Variants in CPSF4L observed in about 807,000 individuals in gnomAD.
The protein encoded by CPSF4L is cleavage and polyadenylation specific factor 4 like.
In CPSF4L, 18 loss-of-function variants were observed where a neutral mutation model predicts 24.0. The observed-to-expected ratio is 0.75, with a 90% CI of 0.52 to 1.11. The LOEUF (loss-of-function observed/expected upper bound fraction) is 1.11, where lower values mean the gene tolerates loss of function less well. Among genes scored for constraint, CPSF4L ranks in the 50% least tolerant of loss-of-function variants. The pLI is 0.00. For missense variants in CPSF4L, 211 were observed against 221.8 expected (o/e 0.95, Z 0.31); for synonymous variants, 72 against 77.2 (o/e 0.93, Z 0.35).
chr17:73,242,306 AC>A, the CPSF4L span: 5,459 of 1,604,352 alleles, frequency 3.4e-3, 16 homozygotes, highest in Non-Finnish European at 4.3e-3. Context: ...CGGACTTACA[AC>A]CTCCAACTTC....
intron 3 of CPSF4L, among the ~76,000 whole-genome samples, chr17:73,255,836 T>C (rs566730226): frequency 1.3e-5 from 2 of 152,106 alleles, no homozygotes; most frequent in Admixed American, 1.3e-4. Context: ...TGCGTGCACG[T>C]CTCTGCATTC....
At chr17:73,242,127 G>A in the CPSF4L span, 1 of 569,330 alleles carries the variant, frequency 1.8e-6, no homozygotes, top group Admixed American at 3.3e-5. Context: ...AATCTTTAAT[G>A]CACCTGTTTA....
In CPSF4L at chr17:73,253,963, C is replaced by T; in HGVS notation, c.371G>A (p.Cys124Tyr). The T allele has an allele frequency of 1.3e-6, 2 of 1,551,686 alleles. No individual in the cohort carries two copies. The highest frequency in any genetic ancestry group is 1.7e-4 in the Middle Eastern group (1 of 5,990). The change falls in exon 4 of 6, where the codon TGT becomes TAT. Residue 124 changes from cysteine (C) to tyrosine (Y), a missense_variant. Cys to Tyr is a radical substitution (Grantham distance 194). Coordinates refer to ENST00000344935, the MANE Select transcript of CPSF4L (RefSeq NM_001129885.1). ...HVKPAFKSQD[C>Y]PWYDQGFCKD... ...GCAGAAACCTTGGTCATACCAAGGACAGTCCTGGGACTTGAAAGCTGGCTT... is the reference window on the plus strand; with the variant it reads ...GCAGAAACCTTGGTCATACCAAGGATAGTCCTGGGACTTGAAAGCTGGCTT...
chr17:73,258,308 C>A (rs910266375), intron 2 of CPSF4L, among the ~76,000 whole-genome samples: 1 of 151,784 alleles, frequency 6.6e-6, no homozygotes, highest in Admixed American at 6.6e-5. Context: ...CCGCGCCCAG[C>A]CAAGCTCTTG....
the CPSF4L span, chr17:73,243,090 T>TTTTTTTG: frequency 3.1e-6 from 3 of 979,668 alleles, no homozygotes; most frequent in African/African-American, 3.4e-5. Context: ...TTTTTTTTTT[T>TTTTTTTG]TTTTTTTTTT....
chr17:73,257,019 G>A (rs1001327995), intron 3 of CPSF4L, among the ~76,000 whole-genome samples: 7 of 152,016 alleles, frequency 4.6e-5, no homozygotes, highest in South Asian at 4.2e-4. Flanking sequence ...AGAGCAAGAC[G>A]CTGTCTCAAA....
chr17:73,251,292 G>A (rs543068036), intron 5 of CPSF4L, among the ~76,000 whole-genome samples: 1 of 152,260 alleles, frequency 6.6e-6, no homozygotes, highest in East Asian at 1.9e-4. Flanking sequence ...TTGTAAATGG[G>A]CTTGTAAATT....
chr17:73,255,215 C>T (rs891019619), intron 3 of CPSF4L, among the ~76,000 whole-genome samples: 1 of 152,152 alleles, frequency 6.6e-6, no homozygotes, highest in Non-Finnish European at 1.5e-5. Flanking sequence ...GAAAGTACCC[C>T]TAGGCCAGGC....
chr17:73,259,357 A>T (rs796431519), intron 2 of CPSF4L, among the ~76,000 whole-genome samples: 23 of 138,776 alleles, frequency 1.7e-4, no homozygotes, highest in Non-Finnish European at 2.4e-4. Context: ...CCTTTTTTAA[A>T]AAAAAAAAAT....
At chr17:73,249,476 ACCC>A (rs1035694367) in intron 5 of CPSF4L, among the ~76,000 whole-genome samples, 1 of 151,182 alleles carries the variant, frequency 6.6e-6, no homozygotes, top group African/African-American at 2.4e-5. Context: ...CTGGCATTCA[ACCC>A]CCCAAAACCC....
intron 2 of CPSF4L, 101 bp downstream of exon 2, chr17:73,260,832 T>C: frequency 1.2e-6 from 1 of 852,524 alleles, no homozygotes; most frequent in East Asian, 2.8e-5. Context: ...CAGGTGCAAA[T>C]TCGACACCCT....
intron 3 of CPSF4L, among the ~76,000 whole-genome samples, chr17:73,256,003 C>T: frequency 6.6e-6 from 1 of 152,182 alleles, no homozygotes; most frequent in East Asian, 1.9e-4. Flanking sequence ...TTAGAGTGAT[C>T]ATCACTTTGA....
Position 73,254,037 on chromosome 17 carries a change from C to A in CPSF4L, c.308-11G>T, listed in dbSNP as rs763036295. ...TGTTGCTGCAGTCACCTGAAAATCC[C>A]AGCACTCTCTGTAGAAGCAGTTTCT... On this transcript the variant is annotated splice_polypyrimidine_tract_variant and intron_variant, in intron 3 of 5. Coordinates refer to ENST00000344935, the MANE Select transcript of CPSF4L (RefSeq NM_001129885.1). 6.5e-7 allele frequency: 1 copy of A among 1,547,552 alleles called. No homozygotes were observed. Among genetic ancestry groups the A allele is most frequent in the South Asian group, 1.2e-5 (1 of 83,966 alleles).
At chr17:73,255,619 G>A (rs1288821653) in intron 3 of CPSF4L, among the ~76,000 whole-genome samples, 3 of 152,038 alleles carry the variant, frequency 2.0e-5, no homozygotes, top group Non-Finnish European at 4.4e-5. Context: ...GGCTCAGAGA[G>A]GGGAAAAGGC....
upstream of CPSF4L, among the ~76,000 whole-genome samples, chr17:73,263,691 C>T (rs1266921063): frequency 6.7e-6 from 1 of 149,118 alleles, no homozygotes; most frequent in Non-Finnish European, 1.5e-5. Flanking sequence ...GGGAAGTGAT[C>T]GTGAAGGCAG....
intron 2 of CPSF4L, among the ~76,000 whole-genome samples, chr17:73,258,819 G>A (rs745527645): frequency 1.3e-5 from 2 of 152,168 alleles, no homozygotes; most frequent in Non-Finnish European, 2.9e-5. Context: ...CCAGCCCCTG[G>A]CACATAGTAA....
intron 1 of CPSF4L, among the ~76,000 whole-genome samples, chr17:73,261,194 G>A (rs920144895): frequency 6.6e-6 from 1 of 152,212 alleles, no homozygotes; most frequent in Non-Finnish European, 1.5e-5. Flanking sequence ...GGAGCTCGAG[G>A]GGCTCAAGCC....
chr17:73,256,843 G>A (rs1034177834), intron 3 of CPSF4L, among the ~76,000 whole-genome samples: 3 of 152,024 alleles, frequency 2.0e-5, no homozygotes, highest in Non-Finnish European at 2.9e-5. Flanking sequence ...CCTGGCCAAC[G>A]TGGCAAAACC....
At chr17:73,251,018 G>A in intron 5 of CPSF4L, 3 of 1,549,680 alleles carry the variant, frequency 1.9e-6, no homozygotes, top group Non-Finnish European at 2.6e-6. Context: ...CCAGGCAGGA[G>A]AGCAGGCACT....
Sources: gnomAD v4.1 joint callset for allele counts (sites outside exome capture counted in the v4.1 genomes callset) on GRCh38, gnomAD v4.1.1 for gene constraint, MANE v1.5 for transcripts, NCBI Gene and HGNC (gene_info 2026-07-23, HGNC 2026-07-21) for gene names.